The following VEPH1 variants were observed in gnomAD, a reference collection of about 807,000 sequenced individuals.
VEPH1 encodes the protein ventricular zone-expressed PH domain-containing protein homolog 1.
In VEPH1, 80 loss-of-function variants were observed where a neutral mutation model predicts 85.2. That is an observed-to-expected ratio of 0.94 (90% confidence interval 0.78 to 1.13). The LOEUF is 1.13. Among genes scored for constraint, VEPH1 ranks in the 50% most tolerant of loss-of-function variants. The pLI, the probability that VEPH1 is intolerant of heterozygous loss-of-function variation, is 0.00. For synonymous variants in VEPH1, 297 were observed against 348.0 expected (o/e 0.85, Z 1.63); for missense variants, 955 against 980.5 (o/e 0.97, Z 0.35).
chr3:157,497,500 T>C (rs901481592), intron 1 of VEPH1, among the ~76,000 whole-genome samples: 7 of 152,194 alleles, frequency 4.6e-5, no homozygotes, highest in Non-Finnish European at 8.8e-5. Context: ...CTTAACACAT[T>C]TTCCTCCCAG....
intron 4 of VEPH1, among the ~76,000 whole-genome samples, chr3:157,456,958 T>C (rs922685848): frequency 1.3e-5 from 2 of 152,236 alleles, no homozygotes; most frequent in Non-Finnish European, 2.9e-5. Flanking sequence ...ATAAATTACT[T>C]TGGGCAGCAT....
At chr3:157,277,148 C>G (rs975069560) in intron 12 of VEPH1, among the ~76,000 whole-genome samples, 2 of 152,134 alleles carry the variant, frequency 1.3e-5, no homozygotes, top group African/African-American at 4.8e-5. Flanking sequence ...ACCTGGGCCT[C>G]CCAAAATGCT....
chr3:157,281,579 C>G (rs1281877521), intron 12 of VEPH1, among the ~76,000 whole-genome samples: 1 of 151,844 alleles, frequency 6.6e-6, no homozygotes, highest in East Asian at 1.9e-4. Flanking sequence ...TCGCTTGCCA[C>G]CCGGCTGGAG....
chr3:157,261,971 G>A (rs1347784784), intron 13 of VEPH1, among the ~76,000 whole-genome samples: 2 of 152,152 alleles, frequency 1.3e-5, no homozygotes, highest in Non-Finnish European at 2.9e-5. Context: ...GGGCTAAGAT[G>A]AATAATTTTA....
At chr3:157,306,513 T>C (rs1226450716) in intron 11 of VEPH1, among the ~76,000 whole-genome samples, 1 of 152,260 alleles carries the variant, frequency 6.6e-6, no homozygotes, top group East Asian at 1.9e-4. Flanking sequence ...TTTACCTGCC[T>C]GTATAACATG....
intron 11 of VEPH1, among the ~76,000 whole-genome samples, chr3:157,307,345 G>T (rs770959076): frequency 7.2e-5 from 11 of 151,814 alleles, no homozygotes; most frequent in African/African-American, 2.7e-4. Flanking sequence ...GAGCTATAAA[G>T]ATAACTTTCG....
chr3:157,373,123 A>G (rs1006195069), intron 7 of VEPH1, among the ~76,000 whole-genome samples: 3 of 152,230 alleles, frequency 2.0e-5, no homozygotes, highest in Non-Finnish European at 4.4e-5. Flanking sequence ...CCATTTACAG[A>G]TGAGGAAACT....
intron 13 of VEPH1, among the ~76,000 whole-genome samples, chr3:157,262,641 C>T (rs890467102): frequency 9.2e-5 from 14 of 152,052 alleles, no homozygotes; most frequent in Non-Finnish European, 1.9e-4. Flanking sequence ...GTATTTTAAT[C>T]CAATGGTTAC....
chr3:157,299,576 A>AG, intron 11 of VEPH1, among the ~76,000 whole-genome samples: 13 of 149,582 alleles, frequency 8.7e-5, no homozygotes, highest in Non-Finnish European at 1.5e-4. Flanking sequence ...AAAAAAAAAA[A>AG]AAAAGAAAGA....
At chr3:157,448,022 T>C (rs1734681292) in intron 4 of VEPH1, among the ~76,000 whole-genome samples, 1 of 152,190 alleles carries the variant, frequency 6.6e-6, no homozygotes, top group African/African-American at 2.4e-5. Context: ...TGATGAACTA[T>C]GGGCCCAGAA....
chr3:157,293,871 G>A (rs1255684503), intron 11 of VEPH1, among the ~76,000 whole-genome samples: 3 of 152,204 alleles, frequency 2.0e-5, no homozygotes, highest in Non-Finnish European at 4.4e-5. Context: ...GTGGGAGCAA[G>A]GCCAAAACAC....
At chr3:157,366,872 G>T (rs765344940) in intron 7 of VEPH1, among the ~76,000 whole-genome samples, 1 of 152,144 alleles carries the variant, frequency 6.6e-6, no homozygotes, top group Non-Finnish European at 1.5e-5. Context: ...CTATATCTGC[G>T]GTGGACACTG....
intron 9 of VEPH1, among the ~76,000 whole-genome samples, chr3:157,346,431 C>T (rs979546114): frequency 1.3e-5 from 2 of 151,926 alleles, no homozygotes; most frequent in African/African-American, 2.4e-5. Context: ...TTTCTTAAGC[C>T]CCAAATGTTT....
At chr3:157,438,046 C>T in intron 4 of VEPH1, 1 of 708,296 alleles carries the variant, frequency 1.4e-6, no homozygotes, top group Non-Finnish European at 2.2e-6. Flanking sequence ...CGCACACACA[C>T]ACACACACAC....
In VEPH1 at chr3:157,275,587, C is replaced by CA. The variant is rs144274851; in HGVS notation, c.2129-9926dup. Among the ~76,000 whole-genome samples the CA allele has an allele frequency of 5.4e-4, 81 of 150,972 alleles. No individual in the cohort carries two copies. In the East Asian group the frequency reaches 0.01, roughly 19 times the overall value. On this transcript the variant is annotated intron_variant, in intron 12 of 13. Transcript: ENST00000362010. ...GACACTCCATTTCAAAAAAAACCAACAAAAAATATATATATATAATGATTG... is the reference window on the plus strand; with the variant it reads ...GACACTCCATTTCAAAAAAAACCAACAAAAAAATATATATATATAATGATTG...
chr3:157,368,781 G>A (rs1038499282), intron 7 of VEPH1, among the ~76,000 whole-genome samples: 9 of 152,070 alleles, frequency 5.9e-5, no homozygotes, highest in African/African-American at 1.7e-4. Flanking sequence ...GTGAGCCACC[G>A]AGCCTGGCTA....
intron 11 of VEPH1, among the ~76,000 whole-genome samples, chr3:157,309,868 C>T (rs1719910223): frequency 6.6e-6 from 1 of 152,116 alleles, no homozygotes. Context: ...CAATCTCCAC[C>T]TCCTGGGTTC....
At chr3:157,387,464 G>A (rs572881509) in intron 6 of VEPH1, among the ~76,000 whole-genome samples, 2 of 152,282 alleles carry the variant, frequency 1.3e-5, no homozygotes, top group African/African-American at 4.8e-5. Flanking sequence ...AAGTTGCACA[G>A]GTATAATATA....
At chr3:157,473,261 A>G (rs762239690) in intron 2 of VEPH1, among the ~76,000 whole-genome samples, 1 of 151,610 alleles carries the variant, frequency 6.6e-6, no homozygotes, top group Non-Finnish European at 1.5e-5. Flanking sequence ...TTTAGTAGAG[A>G]CAGGGTTTCA....
Sources: gnomAD v4.1 joint callset for allele counts (sites outside exome capture counted in the v4.1 genomes callset) on GRCh38, gnomAD v4.1.1 for gene constraint, MANE v1.5 for transcripts, NCBI Gene and HGNC (gene_info 2026-07-23, HGNC 2026-07-21) for gene names.